ADAMTSL3: variants seen among roughly 807,000 people sequenced by gnomAD.
ADAMTSL3 encodes ADAMTS like 3.
ADAMTSL3 carries 128 observed loss-of-function variants against 201.7 expected under a neutral mutation model. That is an observed-to-expected ratio of 0.63 (90% CI 0.55 to 0.73). The LOEUF is 0.73. Among genes scored for constraint, ADAMTSL3 ranks in the 30% least tolerant of loss-of-function variants. The probability of loss-of-function intolerance (pLI) is 0.00; values close to 1 mark genes in which losing one functional copy is unlikely to be tolerated. For missense variants in ADAMTSL3, 1,990 were observed against 2,119.6 expected, an observed-to-expected ratio of 0.94 and a Z score of 1.20; for synonymous variants, 738 against 748.4, an observed-to-expected ratio of 0.99 and a Z score of 0.23.
intron 10 of ADAMTSL3, among the ~76,000 whole-genome samples, chr15:83,887,069 A>G (rs2065407645): frequency 6.6e-6 from 1 of 152,174 alleles, no homozygotes; most frequent in South Asian, 2.1e-4. Context: ...CAGCATCAGC[A>G]TCTCCTGGGA....
intron 2 of ADAMTSL3, among the ~76,000 whole-genome samples, chr15:83,689,003 T>C (rs1290418353): frequency 6.6e-6 from 1 of 151,974 alleles, no homozygotes; most frequent in Admixed American, 6.6e-5. Flanking sequence ...TTGCATTTTT[T>C]GTAGAGACGG....
intron 13 of ADAMTSL3, among the ~76,000 whole-genome samples, chr15:83,896,108 C>T (rs1022625890): frequency 6.6e-6 from 1 of 152,180 alleles, no homozygotes; most frequent in African/African-American, 2.4e-5. Flanking sequence ...TTCCACTCTG[C>T]CTGTTAGGAA....
At chr15:83,785,562 A>C (rs925611352) in intron 4 of ADAMTSL3, among the ~76,000 whole-genome samples, 2 of 151,990 alleles carry the variant, frequency 1.3e-5, no homozygotes, top group African/African-American at 4.8e-5. Flanking sequence ...TAAGTTCAAG[A>C]GTTTTACAAG....
At chr15:84,034,448 G>A (rs2068466904) in intron 28 of ADAMTSL3, among the ~76,000 whole-genome samples, 1 of 152,158 alleles carries the variant, frequency 6.6e-6, no homozygotes, top group South Asian at 2.1e-4. Flanking sequence ...GGGAGCTGTG[G>A]CTTCCATTGA....
At chr15:83,889,063 G>T (rs2065454574) in intron 10 of ADAMTSL3, among the ~76,000 whole-genome samples, 1 of 152,174 alleles carries the variant, frequency 6.6e-6, no homozygotes, top group Non-Finnish European at 1.5e-5. Flanking sequence ...AGGAAACTTG[G>T]AATCAGATCT....
intron 3 of ADAMTSL3, among the ~76,000 whole-genome samples, chr15:83,716,992 G>A (rs1042855637): frequency 6.6e-6 from 1 of 152,164 alleles, no homozygotes; most frequent in African/African-American, 2.4e-5. Flanking sequence ...GGTTTACACT[G>A]CATTAAGACA....
chr15:83,855,285 C>G (rs959160780), intron 7 of ADAMTSL3, among the ~76,000 whole-genome samples: 1 of 152,192 alleles, frequency 6.6e-6, no homozygotes. Flanking sequence ...TTCAAAACCA[C>G]CTGTGGACAT....
At position 83,942,712 on chromosome 15, in the gene ADAMTSL3, A is replaced by G. The variant is rs368187209; in HGVS notation, c.2234A>G (p.Asp745Gly). 6.9e-5 allele frequency: 112 copies of G among 1,613,776 alleles called. No homozygotes were observed. Among genetic ancestry groups the G allele is most frequent in the Non-Finnish European group, 9.3e-5 (110 of 1,179,950 alleles). ...ETPAPPEECR[D>G]EKPHALQACN... ...CCTGCCCCTCCTGAGGAGTGCCGAG[A>G]TGAAAAGCCCCATGCTTTACAAGCA... Residue 745 changes from aspartate to glycine, a missense_variant, in exon 18 of 30, where the codon GAT (aspartate) becomes GGT (glycine). Coordinates refer to ENST00000286744, the MANE Select transcript of ADAMTSL3 (RefSeq NM_207517.3).
At chr15:83,684,585 A>C (rs1284161853) in intron 2 of ADAMTSL3, among the ~76,000 whole-genome samples, 1 of 152,222 alleles carries the variant, frequency 6.6e-6, no homozygotes, top group South Asian at 2.1e-4. Flanking sequence ...TAGGGAAAAA[A>C]AACAACCAAA....
chr15:83,788,776 C>T (rs2063301259), intron 4 of ADAMTSL3, among the ~76,000 whole-genome samples: 1 of 151,830 alleles, frequency 6.6e-6, no homozygotes, highest in Non-Finnish European at 1.5e-5. Flanking sequence ...TTGATGATTT[C>T]TTCTATTCAT....
chr15:83,940,339 G>A (rs1374363179), intron 17 of ADAMTSL3, among the ~76,000 whole-genome samples: 4 of 152,148 alleles, frequency 2.6e-5, no homozygotes, highest in East Asian at 1.9e-4. Flanking sequence ...GGGTGGCTTC[G>A]AAGACAGAAC....
Position 83,674,714 on chromosome 15 carries a change from C to CACACATATATACATATAT in ADAMTSL3, c.69+18890_69+18907dup, listed in dbSNP as rs1567064025. Among the ~76,000 whole-genome samples, 70 of 140,858 alleles carry CACACATATATACATATAT rather than the reference C, an allele frequency of 5.0e-4. 2 individuals carry two copies. Among genetic ancestry groups the CACACATATATACATATAT allele is most frequent in the Non-Finnish European group, 5.9e-4 (39 of 66,240 alleles). The allele number at this position is 140,858 out of a possible 152,430, so 92.4% of individuals were successfully genotyped here. On this transcript the variant is annotated intron_variant, in intron 2 of 29. Coordinates refer to ENST00000286744, the MANE Select transcript of ADAMTSL3 (RefSeq NM_207517.3). ...ATATACACATATATATACATATATACACACATATATACATATATACACACA... is the reference window on the plus strand; with the variant it reads ...ATATACACATATATATACATATATACACACATATATACATATATACACATATATACATATATACACACA...
At chr15:84,025,200 A>G (rs544203990) in intron 26 of ADAMTSL3, 38 bp from the exon 27 acceptor site, 1 of 1,534,324 alleles carries the variant, frequency 6.5e-7, no homozygotes, top group Non-Finnish European at 8.8e-7. Context: ...GATCTGGCAT[A>G]CCAGTCCTTA....
chr15:83,988,401 ATT>A (rs1232665603), intron 21 of ADAMTSL3, among the ~76,000 whole-genome samples: 1 of 152,214 alleles, frequency 6.6e-6, no homozygotes, highest in Non-Finnish European at 1.5e-5. Context: ...CAGATTAAGC[ATT>A]GAGTTCACCA....
intron 6 of ADAMTSL3, among the ~76,000 whole-genome samples, chr15:83,831,526 G>A (rs1327392213): frequency 6.6e-6 from 1 of 152,140 alleles, no homozygotes; most frequent in Admixed American, 6.6e-5. Context: ...GTAATTAGAA[G>A]TGCCCTCTTT....
intron 2 of ADAMTSL3, among the ~76,000 whole-genome samples, chr15:83,661,270 T>A (rs1215396857): frequency 6.6e-6 from 1 of 151,900 alleles, no homozygotes; most frequent in Non-Finnish European, 1.5e-5. Context: ...TGCGGGCTCT[T>A]TTTTGGTTCC....
At chr15:83,813,507 A>G (rs2063728494) in intron 5 of ADAMTSL3, among the ~76,000 whole-genome samples, 3 of 152,234 alleles carry the variant, frequency 2.0e-5, no homozygotes, top group Non-Finnish European at 1.5e-5. Context: ...CAGCACATAG[A>G]TGAAGATGAA....
chr15:83,692,646 A>C (rs1219526031), intron 2 of ADAMTSL3, among the ~76,000 whole-genome samples: 4 of 144,396 alleles, frequency 2.8e-5, no homozygotes, highest in Admixed American at 7.2e-5. Flanking sequence ...AGATCGCGCC[A>C]CTGCACTCCA....
chr15:83,969,151 A>T (rs28870507), intron 19 of ADAMTSL3, among the ~76,000 whole-genome samples: 2,318 of 152,264 alleles, frequency 0.015, 57 homozygotes, highest in African/African-American at 0.049. Flanking sequence ...TTAAAGTATA[A>T]TAATTTTAAA....
Sources: gnomAD v4.1 joint callset for allele counts (sites outside exome capture counted in the v4.1 genomes callset) on GRCh38, gnomAD v4.1.1 for gene constraint, MANE v1.5 for transcripts, NCBI Gene and HGNC (gene_info 2026-07-23, HGNC 2026-07-21) for gene names.